Variants in SHOC1 observed in about 807,000 individuals in gnomAD.
The protein encoded by SHOC1 is shortage in chiasmata 1.
A neutral mutation model predicts 179.2 loss-of-function variants in SHOC1; 136 were observed. The observed-to-expected ratio is 0.76, with a 90% CI of 0.66 to 0.87. The LOEUF (loss-of-function observed/expected upper bound fraction) is 0.87, where lower values mean the gene tolerates loss of function less well. SHOC1 is among the 40% of genes least tolerant of loss of function. The probability of loss-of-function intolerance (pLI) is 0.00; values close to 1 mark genes in which losing one functional copy is unlikely to be tolerated. For synonymous variants in SHOC1, 489 were observed against 586.6 expected (o/e 0.83, Z 2.41); for missense variants, 1,538 against 1,700.8 (o/e 0.90, Z 1.68).
intron 5 of SHOC1, among the ~76,000 whole-genome samples, chr9:111,773,091 G>A (rs1261190470): frequency 6.6e-6 from 1 of 152,010 alleles, no homozygotes; most frequent in Non-Finnish European, 1.5e-5. Context: ...TGTGTCCCTA[G>A]GATCTGTCTC....
chr9:111,740,858 C>A (rs973609914), intron 11 of SHOC1, among the ~76,000 whole-genome samples: 2 of 152,202 alleles, frequency 1.3e-5, no homozygotes, highest in African/African-American at 4.8e-5. Context: ...AAGTGTGAGC[C>A]ACGGTGCCCG....
At chr9:111,758,044 C>T (rs373027015) in intron 7 of SHOC1, 40 bp downstream of exon 7, 2 of 1,077,468 alleles carry the variant, frequency 1.9e-6, no homozygotes, top group Non-Finnish European at 1.3e-6. Flanking sequence ...ATGTGCCTCA[C>T]TACTTTTACT....
chr9:111,692,065 A>G lies in SHOC1; in HGVS notation c.3912T>C (p.Cys1304=). The G allele has an allele frequency of 2.5e-6, 4 of 1,613,882 alleles. No individual in the cohort carries two copies. The highest frequency in any genetic ancestry group is 3.4e-6 in the Non-Finnish European group (4 of 1,179,892). The change falls in exon 27 of 28, where the codon TGT becomes TGC. Residue 1304 remains cysteine (C), a synonymous_variant. Coordinates refer to ENST00000682961, the MANE Select transcript of SHOC1 (RefSeq NM_001378211.1). ...VFSLGLTQMN[C]ETIKSPTDTQ... is the part of the protein sequence containing the mutation. ...TGTCAGTTGGTGATTTTATAGTTTC[A>G]CAGTTCATTTGTGTTAGACCCAAAG...
chr9:111,774,399 A>G (rs1279435648), intron 5 of SHOC1, among the ~76,000 whole-genome samples: 2 of 152,192 alleles, frequency 1.3e-5, no homozygotes, highest in African/African-American at 4.8e-5. Flanking sequence ...CCTGGGTTCA[A>G]GCAATCTTCC....
At chr9:111,707,816 G>T in intron 19 of SHOC1, 39 bp downstream of exon 19, 1 of 1,334,688 alleles carries the variant, frequency 7.5e-7, no homozygotes, top group Non-Finnish European at 1.0e-6. Context: ...TGTGAAACTG[G>T]TACGTTTGTT....
chr9:111,768,277 G>A lies in SHOC1; in HGVS notation c.442+7514C>T, dbSNP rs868349293. ...GTCTTACTCTGTCACCCAGGCTGGA[G>A]TGCAGTGGTGAAATCTCAACTCACT... On this transcript the variant is annotated intron_variant, in intron 5 of 27. Coordinates refer to ENST00000682961, the MANE Select transcript of SHOC1 (RefSeq NM_001378211.1). Among the ~76,000 whole-genome samples, 40 of 150,826 alleles carry A rather than the reference G, an allele frequency of 2.7e-4. 1 individual carries two copies. Among genetic ancestry groups the A allele is most frequent in the Middle Eastern group, 3.2e-3 (1 of 316 alleles).
intron 24 of SHOC1, among the ~76,000 whole-genome samples, chr9:111,694,876 G>T (rs1831619258): frequency 6.6e-6 from 1 of 152,036 alleles, no homozygotes; most frequent in Admixed American, 6.6e-5. Flanking sequence ...ATCATTCCCA[G>T]CATTTTGGGA....
At chr9:111,709,696 G>A (rs1832449578) in intron 18 of SHOC1, among the ~76,000 whole-genome samples, 1 of 152,100 alleles carries the variant, frequency 6.6e-6, no homozygotes, top group South Asian at 2.1e-4. Flanking sequence ...GCGATACAGA[G>A]TAATAATCTG....
intron 4 of SHOC1, among the ~76,000 whole-genome samples, chr9:111,777,582 T>TGA (rs1434089350): frequency 6.6e-6 from 1 of 152,204 alleles, no homozygotes. Context: ...TGAGGACATC[T>TGA]TTTTGGCTCT....
At chr9:111,756,590 C>A in intron 7 of SHOC1, 112 bp from the exon 8 acceptor site, 1 of 851,546 alleles carries the variant, frequency 1.2e-6, no homozygotes, top group South Asian at 1.6e-5. Context: ...TAAACTAAAT[C>A]CACATTCAAA....
chr9:111,792,536 A>C (rs1836483789), intron 1 of SHOC1, among the ~76,000 whole-genome samples: 2 of 152,076 alleles, frequency 1.3e-5, no homozygotes, highest in African/African-American at 4.8e-5. Context: ...TGGGAGGTGG[A>C]GGTTGCAGTG....
chr9:111,759,761 A>T (rs1835056510), intron 5 of SHOC1, among the ~76,000 whole-genome samples: 1 of 152,242 alleles, frequency 6.6e-6, no homozygotes, highest in Admixed American at 6.5e-5. Context: ...AGAAAAGAAT[A>T]GTACGGAGTT....
At chr9:111,793,044 G>C (rs191811677) in intron 1 of SHOC1, among the ~76,000 whole-genome samples, 1 of 152,068 alleles carries the variant, frequency 6.6e-6, no homozygotes, top group Non-Finnish European at 1.5e-5. Context: ...CAACACGCCC[G>C]GCTAATTTTT....
chr9:111,746,456 CT>C, intron 9 of SHOC1, 114 bp from the exon 10 acceptor site: 1 of 597,050 alleles, frequency 1.7e-6, no homozygotes, highest in East Asian at 3.0e-5. Flanking sequence ...AGGAGGATCA[CT>C]TGAGTCCAGG....
Position 111,692,033 on chromosome 9 carries a change from T to C in SHOC1, c.3944A>G (p.Lys1315Arg). ...ETIKSPTDTQ[K>R]RVSVVPRFIN... ...AAAACGGGGGACAACTGACACTCTC[T>C]TCTGAGTGTCAGTTGGTGATTTTAT... Residue 1315 changes from lysine (K) to arginine (R), a missense_variant, in exon 27 of 28, where the codon AAG becomes AGG. Transcript: ENST00000682961. The C allele has an allele frequency of 6.2e-7, 1 of 1,613,388 alleles. No homozygotes were observed.
At chr9:111,772,013 C>T (rs1835628789) in intron 5 of SHOC1, among the ~76,000 whole-genome samples, 2 of 151,846 alleles carry the variant, frequency 1.3e-5, no homozygotes, top group Admixed American at 6.6e-5. Context: ...TGCTCAGCTC[C>T]CTTTTGAACA....
In SHOC1 at chr9:111,722,584, A is replaced by C. The variant is rs755986119; in HGVS notation, c.1956T>G (p.Asp652Glu). The C allele has an allele frequency of 1.8e-5, 29 of 1,590,876 alleles. No individual in the cohort carries two copies. The highest frequency in any genetic ancestry group is 2.5e-5 in the Non-Finnish European group (29 of 1,174,970). The change falls in exon 15 of 28, where the codon GAT becomes GAG. Residue 652 changes from aspartate to glutamate, a missense_variant and splice_region_variant. Coordinates refer to ENST00000682961, the MANE Select transcript of SHOC1 (RefSeq NM_001378211.1). ...GGAGGCAAAATGCTTGGCACTGGCT[A>C]TCTGCAAAAATAAAAGCATTAATGG... ...TDSVIEIQAS[D>E]SQCQAFCLLE...
Position 111,741,518 on chromosome 9 carries a change from A to G in SHOC1, c.1132T>C (p.Leu378=). The change falls in exon 11 of 28, where the codon TTA becomes CTA. Residue 378 remains leucine (L), a synonymous_variant. Coordinates refer to ENST00000682961, the MANE Select transcript of SHOC1 (RefSeq NM_001378211.1). The stretch of plus-strand genomic sequence containing the variant: ...TTCAAAGGGCTTCTACATCTTTCTA[A>G]TTGCCACATCATGTAGTATTCATTA... The part of the protein sequence containing the change: ...SANEYYMMWQ[L]ERCRSPLNPF... The G allele has an allele frequency of 6.2e-7, 1 of 1,612,702 alleles. No individual in the cohort carries two copies. Among genetic ancestry groups the G allele is most frequent in the Non-Finnish European group, 8.5e-7 (1 of 1,179,246 alleles).
chr9:111,723,072 G>A (rs897588388), intron 14 of SHOC1, among the ~76,000 whole-genome samples: 2 of 152,072 alleles, frequency 1.3e-5, no homozygotes, highest in African/African-American at 2.4e-5. Flanking sequence ...GAGCCACCGC[G>A]CCTGGCCTAT....
Sources: allele counts gnomAD v4.1 joint callset (sites outside exome capture counted in the v4.1 genomes callset), GRCh38; gene constraint gnomAD v4.1.1; transcripts MANE v1.5; gene names NCBI Gene and HGNC (gene_info 2026-07-23, HGNC 2026-07-21).